Variants in R3HDM2 observed in about 807,000 individuals in gnomAD.
R3HDM2 encodes the protein R3H domain-containing protein 2.
A neutral mutation model predicts 124.5 loss-of-function variants in R3HDM2; 38 were observed. The ratio of observed to expected loss-of-function variants is 0.31; its 90% CI spans 0.24 to 0.40. R3HDM2 has a LOEUF of 0.40. R3HDM2 is among the 10% of genes least tolerant of loss of function. R3HDM2 has a pLI of 1.00. For missense variants in R3HDM2, 869 were observed against 1,236.9 expected (o/e 0.70, Z 4.46); for synonymous variants, 391 against 448.0 (o/e 0.87, Z 1.61).
At chr12:57,343,740 C>T (rs2059818689) in intron 2 of R3HDM2, among the ~76,000 whole-genome samples, 3 of 141,780 alleles carry the variant, frequency 2.1e-5, no homozygotes, top group African/African-American at 2.7e-5. Context: ...AAGAGATAGA[C>T]TCATGAAGGG....
chr12:57,296,730 T>A lies in R3HDM2; in HGVS notation c.561-179A>T. 1.5e-6 allele frequency: 1 copy of A among 659,736 alleles called. No individual in the cohort carries two copies. Among genetic ancestry groups the A allele is most frequent in the Non-Finnish European group, 2.5e-6 (1 of 402,358 alleles). 40.9% of individuals were successfully genotyped at this position (659,736 alleles called of 1,614,324 possible). A position where few individuals can be genotyped will look rare whatever the true frequency, so the allele number is the denominator to read the frequency against. The stretch of plus-strand genomic sequence containing the variant: ...ATAGGTTTTTCTCAGTTTCTTTATC[T>A]ACAGTATTCTGCAGATTACTATGAC... On this transcript the variant is annotated intron_variant, in intron 8 of 23. Transcript: ENST00000402412. This position sits in a 1 kb window ranked among gnomAD's most constrained non-coding sequence, Gnocchi z 4.5.
intron 2 of R3HDM2, among the ~76,000 whole-genome samples, chr12:57,330,688 G>GC (rs1566189760): frequency 5.0e-5 from 6 of 119,754 alleles, no homozygotes; most frequent in Admixed American, 9.9e-5. Context: ...CATCTTTAGG[G>GC]CTTTTCTTTT....
chr12:57,336,048 T>C (rs1442346374), intron 2 of R3HDM2, among the ~76,000 whole-genome samples: 1 of 151,726 alleles, frequency 6.6e-6, no homozygotes, highest in African/African-American at 2.4e-5. Flanking sequence ...CACAATGAGA[T>C]ACCATACCAT....
At chr12:57,308,959 G>A (rs2139029448) in intron 3 of R3HDM2, among the ~76,000 whole-genome samples, 1 of 152,290 alleles carries the variant, frequency 6.6e-6, no homozygotes, top group South Asian at 2.1e-4. Flanking sequence ...CACAAGCTCT[G>A]GAAGAATGGG....
At chr12:57,286,671 C>T (rs1342186152) in intron 12 of R3HDM2, among the ~76,000 whole-genome samples, 1 of 152,056 alleles carries the variant, frequency 6.6e-6, no homozygotes, top group Non-Finnish European at 1.5e-5. Context: ...CACCTGAGGT[C>T]AGGAGTTTGA....
chr12:57,358,890 CA>C (rs1183757744), intron 2 of R3HDM2, among the ~76,000 whole-genome samples: 1 of 151,748 alleles, frequency 6.6e-6, no homozygotes, highest in Admixed American at 6.6e-5. Flanking sequence ...GCTGAGACTA[CA>C]GGCACATGCC....
intron 1 of R3HDM2, among the ~76,000 whole-genome samples, chr12:57,428,995 C>T (rs936299845): frequency 2.6e-5 from 4 of 152,090 alleles, no homozygotes; most frequent in Non-Finnish European, 5.9e-5. Context: ...GATCCACCTG[C>T]CTTCGCCTCC....
At chr12:57,282,446 T>C (rs1308131293) in intron 13 of R3HDM2, among the ~76,000 whole-genome samples, 2 of 152,160 alleles carry the variant, frequency 1.3e-5, no homozygotes, top group Non-Finnish European at 2.9e-5. Context: ...AACGAACATT[T>C]TTAAAAGACT....
At chr12:57,380,850 A>G (rs967058126) in intron 2 of R3HDM2, among the ~76,000 whole-genome samples, 1 of 152,194 alleles carries the variant, frequency 6.6e-6, no homozygotes, top group South Asian at 2.1e-4. Flanking sequence ...AAATGCCTCA[A>G]GGTGTGTAAT....
rs1385930675 is a variant in R3HDM2, at chr12:57,360,017, A to ATG, written c.-36+35731_-36+35732insCA. ...TAAATAAATAAATAAATATATATAT[A>ATG]TATATACACACATATATATATATAT... On this transcript the variant is annotated intron_variant, in intron 2 of 23. Coordinates refer to ENST00000402412, the MANE Select transcript of R3HDM2 (RefSeq NM_001394031.1). 1.3e-3 allele frequency among the ~76,000 whole-genome samples: 114 copies of ATG among 87,094 alleles called. No individual in the cohort carries two copies. The East Asian group carries it at 0.022, about 17-fold the overall frequency. 57.1% of individuals were successfully genotyped at this position (87,094 alleles called of 152,430 possible). A position where few individuals can be genotyped will look rare whatever the true frequency, so the allele number is the denominator to read the frequency against.
chr12:57,397,531 T>A (rs945959092), intron 1 of R3HDM2, among the ~76,000 whole-genome samples: 2 of 152,200 alleles, frequency 1.3e-5, no homozygotes, highest in African/African-American at 4.8e-5. Flanking sequence ...TTATAGCCCC[T>A]GCACATCACG....
At chr12:57,386,567 C>G (rs2065849087) in intron 2 of R3HDM2, among the ~76,000 whole-genome samples, 1 of 151,752 alleles carries the variant, frequency 6.6e-6, no homozygotes, top group Non-Finnish European at 1.5e-5. Flanking sequence ...CTGTGGGCTC[C>G]TGCGCAGCCT....
intron 2 of R3HDM2, among the ~76,000 whole-genome samples, chr12:57,393,347 A>G (rs1594403739): frequency 6.6e-6 from 1 of 151,830 alleles, no homozygotes; most frequent in Non-Finnish European, 1.5e-5. Context: ...CAGGTAATCC[A>G]CCTGCCTTGG....
intron 1 of R3HDM2, among the ~76,000 whole-genome samples, chr12:57,413,909 G>C (rs1191406653): frequency 7.0e-6 from 1 of 143,132 alleles, no homozygotes; most frequent in South Asian, 2.3e-4. Context: ...TACGTGGCAC[G>C]GTCTCAGCTC....
At chr12:57,299,221 A>G in intron 6 of R3HDM2, 131 bp downstream of exon 6, 1 of 1,037,886 alleles carries the variant, frequency 9.6e-7, no homozygotes, top group Non-Finnish European at 1.4e-6. Context: ...CTCGTTAGGC[A>G]TCTCCTCAAG....
Position 57,258,019 on chromosome 12 carries a change from T to C in R3HDM2, c.2420A>G (p.Gln807Arg). The change falls in exon 21 of 24, where the codon CAG (glutamine) becomes CGG (arginine). Residue 807 changes from glutamine to arginine, a missense_variant. Around this residue, in one of 2 missense-constraint regions of R3HDM2, gnomAD observed 602 missense variants for 789.2 expected, o/e 0.76. Transcript: ENST00000402412. ...TGCTGGACCCCCAGGCCGGGGGAAC[T>C]GTGTGAGGACAGGCAGGGGACTGAG... ...TGLSPLPVLTQFPRPGGPAQG... is the reference protein window; with the variant it reads ...TGLSPLPVLTRFPRPGGPAQG... 1 of 1,580,608 alleles carries C rather than the reference T, an allele frequency of 6.3e-7. No homozygotes were observed. Among genetic ancestry groups the C allele is most frequent in the Non-Finnish European group, 8.6e-7 (1 of 1,157,426 alleles).
At chr12:57,279,341 C>T (rs1002482250) in intron 14 of R3HDM2, among the ~76,000 whole-genome samples, 6 of 151,522 alleles carry the variant, frequency 4.0e-5, no homozygotes, top group Admixed American at 1.3e-4. Flanking sequence ...CGCCACCATA[C>T]GTGGCTAATT....
intron 3 of R3HDM2, among the ~76,000 whole-genome samples, chr12:57,309,686 T>C (rs1039546896): frequency 1.3e-5 from 2 of 152,216 alleles, no homozygotes; most frequent in Non-Finnish European, 2.9e-5. Context: ...TTATTAAATA[T>C]GCGTTTGTGT....
chr12:57,257,199 C>T (rs1157955273), intron 21 of R3HDM2, among the ~76,000 whole-genome samples: 1 of 152,158 alleles, frequency 6.6e-6, no homozygotes, highest in African/African-American at 2.4e-5. Flanking sequence ...GCAGTATAAG[C>T]ACAGTAGACA....
Sources: allele counts gnomAD v4.1 joint callset (sites outside exome capture counted in the v4.1 genomes callset), GRCh38; gene constraint gnomAD v4.1.1; regional missense constraint gnomAD v4.1.1; non-coding constraint Gnocchi (gnomAD v3.1); transcripts MANE v1.5; gene names NCBI Gene and HGNC (gene_info 2026-07-23, HGNC 2026-07-21).